ABCD3: variants seen among roughly 807,000 people sequenced by gnomAD.
ABCD3 encodes ATP binding cassette subfamily D member 3.
Under a neutral mutation model 105.5 loss-of-function variants are expected in ABCD3, and 41 were observed. The observed-to-expected ratio is 0.39, with a 90% CI of 0.30 to 0.50. The LOEUF (loss-of-function observed/expected upper bound fraction) is 0.50. Ranked by LOEUF, ABCD3 falls within the 20% of genes least tolerant of loss-of-function variation. The pLI, the probability that ABCD3 is intolerant of heterozygous loss-of-function variation, is 0.84. For missense variants in ABCD3, 622 were observed against 806.3 expected, an observed-to-expected ratio of 0.77 and a Z score of 2.77; for synonymous variants, 258 against 269.0, an observed-to-expected ratio of 0.96 and a Z score of 0.40.
chr1:94,505,528 T>A (rs997094237), intron 20 of ABCD3, among the ~76,000 whole-genome samples: 1 of 152,040 alleles, frequency 6.6e-6, no homozygotes, highest in Non-Finnish European at 1.5e-5. Flanking sequence ...TTTTTATATA[T>A]CTGGAAATTT....
chr1:94,417,385 G>A (rs1659056860), upstream of ABCD3, among the ~76,000 whole-genome samples: 1 of 152,206 alleles, frequency 6.6e-6, no homozygotes, highest in African/African-American at 2.4e-5. Context: ...GAGGTTTTAT[G>A]AGCTTATTTT....
At chr1:94,402,105 T>C in the ABCD3 span, among the ~76,000 whole-genome samples, 1 of 152,230 alleles carries the variant, frequency 6.6e-6, no homozygotes, top group Admixed American at 6.5e-5. Context: ...GATTCATTCA[T>C]GTTGCTGTAC....
upstream of ABCD3, among the ~76,000 whole-genome samples, chr1:94,417,242 G>A (rs972069216): frequency 9.9e-5 from 15 of 152,226 alleles, no homozygotes; most frequent in South Asian, 6.2e-4. Context: ...ACCTCTATAC[G>A]CATGCCATTA....
chr1:94,421,951 T>C (rs1370785667), intron 1 of ABCD3, among the ~76,000 whole-genome samples: 1 of 152,206 alleles, frequency 6.6e-6, no homozygotes, highest in Non-Finnish European at 1.5e-5. Flanking sequence ...TTCATTAAAA[T>C]CATTAATCTA....
chr1:94,446,615 T>C (rs558469954), intron 1 of ABCD3, among the ~76,000 whole-genome samples: 4 of 152,252 alleles, frequency 2.6e-5, no homozygotes, highest in African/African-American at 9.6e-5. Flanking sequence ...CAAAGCAGCT[T>C]ATTGGGTGAA....
At chr1:94,404,317 G>T in the ABCD3 span, among the ~76,000 whole-genome samples, 1 of 152,182 alleles carries the variant, frequency 6.6e-6, no homozygotes, top group Non-Finnish European at 1.5e-5. Flanking sequence ...GGGTTCATGT[G>T]TAATTCTTCC....
At chr1:94,410,271 C>A in the ABCD3 span, among the ~76,000 whole-genome samples, 2 of 152,292 alleles carry the variant, frequency 1.3e-5, no homozygotes, top group African/African-American at 4.8e-5. Context: ...ATATCCAGCA[C>A]AACTTTTATT....
At chr1:94,390,991 T>C in the ABCD3 span, among the ~76,000 whole-genome samples, 2 of 152,222 alleles carry the variant, frequency 1.3e-5, no homozygotes, top group Admixed American at 6.5e-5. Flanking sequence ...ATATACAACA[T>C]TTCTTGAAAA....
At chr1:94,409,418 G>A in the ABCD3 span, among the ~76,000 whole-genome samples, 7 of 151,434 alleles carry the variant, frequency 4.6e-5, no homozygotes, top group African/African-American at 7.3e-5. Flanking sequence ...TTTGTATTTC[G>A]GTCTTTTCTC....
At chr1:94,499,154 A>G (rs1649975285) in intron 19 of ABCD3, 120 bp downstream of exon 19, 2 of 970,442 alleles carry the variant, frequency 2.1e-6, no homozygotes, top group Non-Finnish European at 3.2e-6. Flanking sequence ...CAAAGCTGTA[A>G]ATTGTGATTT....
intron 1 of ABCD3, among the ~76,000 whole-genome samples, chr1:94,435,729 C>T (rs1659878011): frequency 6.6e-6 from 1 of 152,156 alleles, no homozygotes; most frequent in Non-Finnish European, 1.5e-5. Context: ...AGTAGTTGTA[C>T]CTAGTGGTGC....
At chr1:94,385,539 C>G in the ABCD3 span, among the ~76,000 whole-genome samples, 4 of 152,212 alleles carry the variant, frequency 2.6e-5, no homozygotes, top group Non-Finnish European at 5.9e-5. Flanking sequence ...TGACACCAAC[C>G]CCTGCCATCT....
At chr1:94,514,357 C>G (rs1216323199) in intron 21 of ABCD3, 1 of 151,946 alleles carries the variant, frequency 6.6e-6, no homozygotes, top group Non-Finnish European at 1.5e-5. Context: ...TGCCAAATGT[C>G]CCCCTGAGGG....
At chr1:94,515,241 A>G (rs1436327897) in intron 22 of ABCD3, 39 bp downstream of exon 22, 3 of 1,500,334 alleles carry the variant, frequency 2.0e-6, no homozygotes, top group African/African-American at 2.8e-5. Context: ...GTGAAATTTT[A>G]TTTTCTTTAA....
intron 1 of ABCD3, among the ~76,000 whole-genome samples, chr1:94,428,109 A>G (rs1234823955): frequency 1.3e-5 from 2 of 150,300 alleles, no homozygotes; most frequent in Non-Finnish European, 3.0e-5. Flanking sequence ...TTGCCACAAG[A>G]TTGAGAAATG....
At position 94,506,556 on chromosome 1, in the gene ABCD3, C is replaced by T. The variant is rs148480963; in HGVS notation, c.1759C>T (p.His587Tyr). 6.2e-7 allele frequency: 1 copy of T among 1,612,598 alleles called. No homozygotes were observed. The highest frequency in any genetic ancestry group is 8.5e-7 in the Non-Finnish European group (1 of 1,179,044). The part of the protein sequence containing the change: ...QRMAMARLFY[H>Y]KPQFAILDEC... ...GCTTCAGATGGCAAGATTATTTTAT[C>T]ATAAACCCCAGTTTGCCATTTTGGA... Residue 587 changes from histidine to tyrosine, a missense_variant, in exon 21 of 23, where the codon CAT becomes TAT. Around this residue, in one of 4 missense-constraint regions of ABCD3, gnomAD observed 285 missense variants for 352.5 expected, o/e 0.81. Coordinates refer to ENST00000370214, the MANE Select transcript of ABCD3 (RefSeq NM_002858.4).
chr1:94,398,796 T>C, the ABCD3 span, among the ~76,000 whole-genome samples: 1 of 152,114 alleles, frequency 6.6e-6, no homozygotes, highest in African/African-American at 2.4e-5. Context: ...CACCTGTTAT[T>C]CCAGCTACTC....
the ABCD3 span, among the ~76,000 whole-genome samples, chr1:94,401,608 G>A: frequency 1.3e-5 from 2 of 152,160 alleles, no homozygotes; most frequent in South Asian, 2.1e-4. Flanking sequence ...CTTAAGATAA[G>A]TTATTTTTTC....
chr1:94,470,853 A>G (rs1343962473), intron 4 of ABCD3, among the ~76,000 whole-genome samples: 1 of 152,000 alleles, frequency 6.6e-6, no homozygotes, highest in Non-Finnish European at 1.5e-5. Flanking sequence ...GTTATCTTCT[A>G]TATGGATGTT....
Sources: allele counts gnomAD v4.1 joint callset (sites outside exome capture counted in the v4.1 genomes callset), GRCh38; gene constraint gnomAD v4.1.1; regional missense constraint gnomAD v4.1.1; transcripts MANE v1.5; gene names NCBI Gene and HGNC (gene_info 2026-07-23, HGNC 2026-07-21).